NWD2: variants seen among roughly 807,000 people sequenced by gnomAD.
The protein encoded by NWD2 is NACHT and WD repeat domain containing 2.
A neutral mutation model predicts 132.7 loss-of-function variants in NWD2; 37 were observed. The ratio of observed to expected loss-of-function variants is 0.28; its 90% CI spans 0.21 to 0.37. The LOEUF is 0.37. NWD2 is among the 10% of genes least tolerant of loss of function. The pLI, the probability that NWD2 is intolerant of heterozygous loss-of-function variation, is 1.00. For synonymous variants in NWD2, 705 were observed against 803.0 expected, an observed-to-expected ratio of 0.88 and a Z score of 2.06; for missense variants, 1,592 against 2,122.4, an observed-to-expected ratio of 0.75 and a Z score of 4.91.
Position 37,378,311 on chromosome 4 carries a change from C to T in NWD2, c.357+21829C>T, listed in dbSNP as rs143352173. ...TAAATATGACAGTCATCTTTATGGA[C>T]GAGTTTAAGTTCAATTTTATTATCT... On this transcript the variant is annotated intron_variant, in intron 3 of 6. Transcript: ENST00000309447. Among the ~76,000 whole-genome samples the T allele has an allele frequency of 4.3e-3, 657 of 152,108 alleles. 6 individuals are homozygous for T. Among genetic ancestry groups the T allele is most frequent in the Admixed American group, 0.011 (166 of 15,280 alleles).
intron 3 of NWD2, among the ~76,000 whole-genome samples, chr4:37,408,043 T>A (rs1176385828): frequency 6.6e-6 from 1 of 152,170 alleles, no homozygotes. Flanking sequence ...ACCAGGAGAT[T>A]CCCTCCATTG....
intron 1 of NWD2, among the ~76,000 whole-genome samples, chr4:37,273,899 C>CGAGAAAAA (rs1717931764): frequency 6.6e-6 from 1 of 151,880 alleles, no homozygotes; most frequent in African/African-American, 2.4e-5. Context: ...AAAGACACAA[C>CGAGAAAAA]ATACCAGAAT....
At position 37,289,776 on chromosome 4, in the gene NWD2, A is replaced by G. The variant is rs773343069; in HGVS notation, c.152-36160A>G. ...TATGGAACATTTTTCTCATCCCCCA[A>G]ATTTCCTTCATATCCCCTCCTAGTG... is the stretch of plus-strand genomic sequence containing the variant. On this transcript the variant is annotated intron_variant, in intron 1 of 6. Coordinates refer to ENST00000309447, the MANE Select transcript of NWD2 (RefSeq NM_001144990.2). Among the ~76,000 whole-genome samples the G allele has an allele frequency of 1.3e-5, 2 of 151,966 alleles. 1 individual carries two copies. The highest frequency in any genetic ancestry group is 3.9e-4 in the East Asian group (2 of 5,176).
chr4:37,442,801 A>G (rs930783465), intron 6 of NWD2, among the ~76,000 whole-genome samples: 5 of 152,220 alleles, frequency 3.3e-5, no homozygotes, highest in Middle Eastern at 3.2e-3. Context: ...TTGGTCAGCC[A>G]TATATGACAT....
chr4:37,351,386 C>T (rs924809211), intron 2 of NWD2, among the ~76,000 whole-genome samples: 27 of 152,142 alleles, frequency 1.8e-4, no homozygotes, highest in Admixed American at 1.6e-3. Context: ...AGGGATTCAA[C>T]TTCTTCCTGG....
rs191219743 is a variant in NWD2 at position 37,402,199 on chromosome 4, G to A, written c.358-28373G>A. On this transcript the variant is annotated intron_variant, in intron 3 of 6. Transcript: ENST00000309447. ...GATGCTGAGGAGATGTTGCTGTCAC[G>A]TCCTTGGACTTCTCAGCCTCCAGAA... is the stretch of plus-strand genomic sequence containing the variant. Among the ~76,000 whole-genome samples the A allele has an allele frequency of 2.2e-4, 33 of 152,248 alleles. 1 individual carries two copies. The highest frequency in any genetic ancestry group is 1.6e-3 in the Admixed American group (25 of 15,290).
intron 3 of NWD2, among the ~76,000 whole-genome samples, chr4:37,409,466 A>G (rs1224535023): frequency 6.6e-6 from 1 of 152,060 alleles, no homozygotes; most frequent in Non-Finnish European, 1.5e-5. Context: ...TGGAAAAAAA[A>G]TAAAAAGGAA....
At position 37,280,151 on chromosome 4, in the gene NWD2, ATAAG is replaced by A. The variant is rs911628865; in HGVS notation, c.151+34938_151+34941del. 2.6e-5 allele frequency among the ~76,000 whole-genome samples: 4 copies of A among 152,228 alleles called. 1 individual carries two copies. The highest frequency in any genetic ancestry group is 2.6e-4 in the Admixed American group (4 of 15,280). ...ACTGTTTTACCACAGGCGAATTGAT[ATAAG>A]TAAGAGTTAAGTTCCTATGACATAT... On this transcript the variant is annotated intron_variant, in intron 1 of 6. Transcript: ENST00000309447.
chr4:37,375,990 G>T (rs977850643), intron 3 of NWD2, among the ~76,000 whole-genome samples: 2 of 145,444 alleles, frequency 1.4e-5, no homozygotes, highest in Non-Finnish European at 2.9e-5. Context: ...ATAAGTGTAT[G>T]ATATTCTAGC....
Position 37,443,218 on chromosome 4 carries a change from G to C in NWD2, c.1297-67G>C. On this transcript the variant is annotated intron_variant, in intron 6 of 6. Transcript: ENST00000309447. The surrounding 1 kb of genome is among the most constrained non-coding windows in gnomAD (Gnocchi z 4.1). Reference sequence around the variant, plus strand: ...ACCAGAAATCTGAGCTCTGGAGAGAGGCAATGTTATCACATATGACCATGT... The same window carrying C: ...ACCAGAAATCTGAGCTCTGGAGAGACGCAATGTTATCACATATGACCATGT... 7.5e-7 allele frequency: 1 copy of C among 1,330,558 alleles called. No homozygotes were observed. The highest frequency in any genetic ancestry group is 1.4e-5 in the South Asian group (1 of 70,344). The allele number at this position is 1,330,558 out of a possible 1,614,324, so 82.4% of individuals were successfully genotyped here. A position where few individuals can be genotyped will look rare whatever the true frequency, so the allele number is the denominator to read the frequency against.
intron 2 of NWD2, among the ~76,000 whole-genome samples, chr4:37,349,657 T>C (rs1719721827): frequency 6.6e-6 from 1 of 152,248 alleles, no homozygotes; most frequent in South Asian, 2.1e-4. Flanking sequence ...CTGATGATAG[T>C]TTCTTTTGCT....
intron 3 of NWD2, among the ~76,000 whole-genome samples, chr4:37,415,171 T>G (rs998482284): frequency 6.6e-6 from 1 of 152,330 alleles, no homozygotes; most frequent in African/African-American, 2.4e-5. Context: ...GAAATCTCCC[T>G]GAAGAACGCA....
chr4:37,295,200 T>A (rs566981295), intron 1 of NWD2, among the ~76,000 whole-genome samples: 1 of 152,120 alleles, frequency 6.6e-6, no homozygotes, highest in Admixed American at 6.6e-5. Context: ...TTTGTCAGAG[T>A]GTGTTGGTGT....
chr4:37,291,109 C>G (rs898611634), intron 1 of NWD2, among the ~76,000 whole-genome samples: 1 of 152,164 alleles, frequency 6.6e-6, no homozygotes, highest in South Asian at 2.1e-4. Flanking sequence ...CCGGGACATT[C>G]AGTGATAACC....
chr4:37,407,106 A>T (rs1721058414), intron 3 of NWD2, among the ~76,000 whole-genome samples: 1 of 152,178 alleles, frequency 6.6e-6, no homozygotes, highest in Non-Finnish European at 1.5e-5. Flanking sequence ...ATTAGAACAA[A>T]TACCTAATGC....
intron 1 of NWD2, among the ~76,000 whole-genome samples, chr4:37,323,453 T>C (rs1249553113): frequency 6.6e-6 from 1 of 152,158 alleles, no homozygotes; most frequent in African/African-American, 2.4e-5. Flanking sequence ...TCATCATCAC[T>C]AATCATCAGA....
intron 1 of NWD2, among the ~76,000 whole-genome samples, chr4:37,287,021 G>A (rs879784956): frequency 2.6e-5 from 4 of 152,176 alleles, no homozygotes; most frequent in Admixed American, 6.5e-5. Flanking sequence ...CCATGGAGAG[G>A]AAGGAAGAGC....
intron 3 of NWD2, among the ~76,000 whole-genome samples, chr4:37,393,967 T>A (rs1225053069): frequency 6.6e-6 from 1 of 152,166 alleles, no homozygotes; most frequent in African/African-American, 2.4e-5. Context: ...CAAACATGAG[T>A]GTTGTTTCTT....
intron 1 of NWD2, among the ~76,000 whole-genome samples, chr4:37,260,003 A>G (rs1717596399): frequency 6.6e-6 from 1 of 152,200 alleles, no homozygotes; most frequent in Admixed American, 6.5e-5. Context: ...GACTTTGGGG[A>G]CAAGTTAGGA....
Sources: gnomAD v4.1 joint callset for allele counts (sites outside exome capture counted in the v4.1 genomes callset) on GRCh38, gnomAD v4.1.1 for gene constraint, Gnocchi (gnomAD v3.1) non-coding constraint, MANE v1.5 for transcripts, NCBI Gene and HGNC (gene_info 2026-07-23, HGNC 2026-07-21) for gene names.